MARK2: variants seen among roughly 807,000 people sequenced by gnomAD.
MARK2 encodes serine/threonine-protein kinase MARK2.
A neutral mutation model predicts 89.8 loss-of-function variants in MARK2; 16 were observed. The ratio of observed to expected loss-of-function variants is 0.18; its 90% CI spans 0.12 to 0.27. The LOEUF (loss-of-function observed/expected upper bound fraction) is 0.27, where lower values mean the gene tolerates loss of function less well. Ranked by LOEUF, MARK2 falls within the 10% of genes least tolerant of loss-of-function variation. The pLI is 1.00. For missense variants in MARK2, 621 were observed against 1,049.9 expected (o/e 0.59, Z 5.65); for synonymous variants, 382 against 399.5 (o/e 0.96, Z 0.52).
chr11:63,888,238 C>T (rs11231630), intron 1 of MARK2, among the ~76,000 whole-genome samples: 10,885 of 152,196 alleles, frequency 0.072, 477 homozygotes, highest in South Asian at 0.21. Flanking sequence ...CTCCCCACTT[C>T]GTTCTTGAGG....
intron 1 of MARK2, among the ~76,000 whole-genome samples, chr11:63,874,694 A>G (rs964870756): frequency 6.6e-6 from 1 of 152,168 alleles, no homozygotes; most frequent in African/African-American, 2.4e-5. Context: ...AGGTTGTTCT[A>G]ATCCCCTTGT....
At position 63,867,133 on chromosome 11, in the gene MARK2, C is replaced by T. The variant is rs558643526; in HGVS notation, c.54+27573C>T. 2.0e-3 allele frequency among the ~76,000 whole-genome samples: 307 copies of T among 152,154 alleles called. 1 individual carries two copies. The highest frequency in any genetic ancestry group is 4.0e-3 in the Non-Finnish European group (269 of 68,040). ...CCTCCGCCTCTCAGGCTCAAGCTAT[C>T]CCCCAACCTTAGCCTCCTGAGTAGC... On this transcript the variant is annotated intron_variant, in intron 1 of 18. Coordinates refer to ENST00000402010, the MANE Select transcript of MARK2 (RefSeq NM_001039469.3).
chr11:63,841,469 T>G (rs572589111), intron 1 of MARK2, among the ~76,000 whole-genome samples: 13 of 152,324 alleles, frequency 8.5e-5, no homozygotes, highest in Admixed American at 7.8e-4. Context: ...AGGAGCATGT[T>G]CTGTGTCTCG....
Position 63,909,223 on chromosome 11 carries a change from G to C in MARK2, c.2353G>C (p.Glu785Gln). ...AAACATTGCCTCCAAAATAGCCAAC[G>C]AGCTGAAGCTTTAACAGGCTGCCAG... is the stretch of plus-strand genomic sequence containing the variant. ...FKNIASKIAN[E>Q]LKL The change falls in exon 19 of 19, where the codon GAG (glutamate) becomes CAG (glutamine). Residue 785 changes from glutamate to glutamine, a missense_variant. By Grantham distance (29) the Glu-to-Gln change is conservative. This residue lies in a region of MARK2 where 33 missense variants were observed against 74.5 expected (regional missense o/e 0.44). Coordinates refer to ENST00000402010, the MANE Select transcript of MARK2 (RefSeq NM_001039469.3). 1.3e-6 allele frequency: 2 copies of C among 1,589,052 alleles called. No homozygotes were observed.
Position 63,908,983 on chromosome 11 carries a change from A to G in MARK2, c.2113A>G (p.Met705Val). Residue 705 changes from methionine (M) to valine (V), a missense_variant, in exon 19 of 19, where the codon ATG becomes GTG. Physicochemically the swap from Met to Val is conservative, Grantham distance 21. Transcript: ENST00000402010. ...FTWSMKTTSS[M>V]EPNEMMREIR... ...GTGGAGTATGAAGACCACGAGCTCC[A>G]TGGAGCCCAACGAGATGATGCGGGA... is the stretch of plus-strand genomic sequence containing the variant. The G allele has an allele frequency of 6.3e-7, 1 of 1,575,018 alleles. No homozygotes were observed. The highest frequency in any genetic ancestry group is 8.7e-7 in the Non-Finnish European group (1 of 1,150,832).
chr11:63,840,059 G>T (rs1324101013), intron 1 of MARK2, among the ~76,000 whole-genome samples: 2 of 152,110 alleles, frequency 1.3e-5, no homozygotes, highest in Non-Finnish European at 2.9e-5. Context: ...CTGCGCTCTC[G>T]ATCCCTGGCC....
At chr11:63,908,780 C>A in intron 18 of MARK2, 97 bp from the exon 19 acceptor site, 1 of 1,288,966 alleles carries the variant, frequency 7.8e-7, no homozygotes, top group Non-Finnish European at 1.0e-6. Context: ...CTCCCTCCCG[C>A]TCTCCTCTCT....
At chr11:63,880,642 T>C (rs1333981900) in intron 1 of MARK2, among the ~76,000 whole-genome samples, 1 of 152,122 alleles carries the variant, frequency 6.6e-6, no homozygotes, top group Admixed American at 6.5e-5. Flanking sequence ...ACCTGGTGGT[T>C]GTCATGGGCA....
At chr11:63,895,486 A>G in intron 2 of MARK2, 94 bp from the exon 3 acceptor site, 2 of 1,446,076 alleles carry the variant, frequency 1.4e-6, no homozygotes, top group Non-Finnish European at 9.7e-7. Flanking sequence ...CTGTGGGATG[A>G]AAAGGAGTAA....
At position 63,889,525 on chromosome 11, in the gene MARK2, C is replaced by G. The variant is rs192124137; in HGVS notation, c.55-5634C>G. On this transcript the variant is annotated intron_variant, in intron 1 of 18. Coordinates refer to ENST00000402010, the MANE Select transcript of MARK2 (RefSeq NM_001039469.3). Reference sequence around the variant, plus strand: ...CCTGCCTACCTGAGTCAGCGCCAGGCCTCTCGGGGTGGAGGCTGTCTTCCG... The same window carrying G: ...CCTGCCTACCTGAGTCAGCGCCAGGGCTCTCGGGGTGGAGGCTGTCTTCCG... 6.6e-5 allele frequency among the ~76,000 whole-genome samples: 10 copies of G among 152,374 alleles called. 1 individual carries two copies. In the East Asian group the frequency reaches 1.9e-3, roughly 29 times the overall value.
At chr11:63,898,998 C>G in intron 6 of MARK2, 54 bp from the exon 7 acceptor site, 1 of 1,349,404 alleles carries the variant, frequency 7.4e-7, no homozygotes, top group Admixed American at 1.7e-5. Flanking sequence ...CTCTGTCAGC[C>G]CCTGTGGCCC....
At chr11:63,882,997 C>A (rs191933883) in intron 1 of MARK2, among the ~76,000 whole-genome samples, 1 of 152,342 alleles carries the variant, frequency 6.6e-6, no homozygotes, top group Admixed American at 6.5e-5. Flanking sequence ...GAGCCCTGGG[C>A]TACTGGCAGG....
At chr11:63,839,751 A>C in intron 1 of MARK2, among the ~76,000 whole-genome samples, 191 bp downstream of exon 1, 1 of 146,486 alleles carries the variant, frequency 6.8e-6, no homozygotes, top group Non-Finnish European at 1.5e-5. Flanking sequence ...CCTCGTCCTG[A>C]CTCCAAGCTG....
rs542210682 is a variant in MARK2, at chr11:63,909,467, C to T, written c.*230C>T. On this transcript the variant is annotated 3_prime_UTR_variant, in exon 19 of 19. Coordinates refer to ENST00000402010, the MANE Select transcript of MARK2 (RefSeq NM_001039469.3). Reference sequence around the variant, plus strand: ...CCCAGAGATTCCCCCTTCTCCTCTCCCCTACTGGAGGCAAAGGAAGGGGAG... The same window carrying T: ...CCCAGAGATTCCCCCTTCTCCTCTCTCCTACTGGAGGCAAAGGAAGGGGAG... 7 of 433,276 alleles carry T rather than the reference C, an allele frequency of 1.6e-5. No homozygotes were observed. The highest frequency in any genetic ancestry group is 2.8e-5 in the Non-Finnish European group (7 of 247,494). 26.8% of individuals were successfully genotyped at this position (433,276 alleles called of 1,614,324 possible).
At position 63,900,937 on chromosome 11, in the gene MARK2, C is replaced by T; in HGVS notation, c.989-20C>T. 1 of 1,611,302 alleles carries T rather than the reference C, an allele frequency of 6.2e-7. No homozygotes were observed. The highest frequency in any genetic ancestry group is 8.5e-7 in the Non-Finnish European group (1 of 1,177,374). On this transcript the variant is annotated intron_variant, in intron 10 of 18. Coordinates refer to ENST00000402010, the MANE Select transcript of MARK2 (RefSeq NM_001039469.3). The surrounding 1 kb of genome is among the most constrained non-coding windows in gnomAD (Gnocchi z 4.7). ...GCCTAGGAGTTGAGGCCAGTCTTAA[C>T]TGTATGTCCCCCTGTGCAGAGCTGA...
intron 1 of MARK2, chr11:63,890,248 A>T: frequency 7.4e-7 from 1 of 1,343,068 alleles, no homozygotes; most frequent in South Asian, 1.2e-5. Flanking sequence ...CCTGGCTCAC[A>T]TCCCTGCTGT....
intron 2 of MARK2, 48 bp downstream of exon 2, chr11:63,895,386 C>T: frequency 6.3e-7 from 1 of 1,577,688 alleles, no homozygotes; most frequent in South Asian, 1.1e-5. Context: ...GCCCTGTTGA[C>T]ACTCCAGCAG....
At chr11:63,906,615 T>G (rs1349422332) in intron 17 of MARK2, among the ~76,000 whole-genome samples, 1 of 152,060 alleles carries the variant, frequency 6.6e-6, no homozygotes, top group East Asian at 1.9e-4. Context: ...GTATCTTGTT[T>G]GTTGTCTCCT....
rs373652796 is a variant in MARK2 at position 63,876,492 on chromosome 11, G to A, written c.55-18667G>A. ...GTTTTCAAGACTTGGTAGGGACCCC[G>A]TTATGGCTGTGGGGTTCTTTGTCCT... is the stretch of plus-strand genomic sequence containing the variant. On this transcript the variant is annotated intron_variant, in intron 1 of 18. Coordinates refer to ENST00000402010, the MANE Select transcript of MARK2 (RefSeq NM_001039469.3). Among the ~76,000 whole-genome samples, 30 of 152,328 alleles carry A rather than the reference G, an allele frequency of 2.0e-4. No homozygotes were observed. In the East Asian group the frequency reaches 2.3e-3, roughly 12 times the overall value.
Sources: allele counts gnomAD v4.1 joint callset (sites outside exome capture counted in the v4.1 genomes callset), GRCh38; gene constraint gnomAD v4.1.1; regional missense constraint gnomAD v4.1.1; non-coding constraint Gnocchi (gnomAD v3.1); transcripts MANE v1.5; gene names NCBI Gene and HGNC (gene_info 2026-07-23, HGNC 2026-07-21).